Variants in CSMD3 observed in about 807,000 individuals in gnomAD.
CSMD3 encodes the protein CUB and Sushi multiple domains 3.
A neutral mutation model predicts 435.2 loss-of-function variants in CSMD3; 177 were observed. The ratio of observed to expected loss-of-function variants is 0.41; its 90% CI spans 0.36 to 0.46. The LOEUF (loss-of-function observed/expected upper bound fraction) is 0.46, where lower values mean the gene tolerates loss of function less well. CSMD3 is among the 20% of genes least tolerant of loss of function. The pLI, the probability that CSMD3 is intolerant of heterozygous loss-of-function variation, is 0.34. For synonymous variants in CSMD3, 1,656 were observed against 1,520.5 expected (o/e 1.09, Z -2.07); for missense variants, 4,265 against 4,504.6 (o/e 0.95, Z 1.52).
chr8:112,475,673 G>T (rs1818973921), intron 31 of CSMD3, among the ~76,000 whole-genome samples: 1 of 152,010 alleles, frequency 6.6e-6, no homozygotes, highest in African/African-American at 2.4e-5. Flanking sequence ...ACTTTTGCAC[G>T]AACCTAATAT....
chr8:113,280,804 T>A (rs1322780845), intron 2 of CSMD3, among the ~76,000 whole-genome samples: 1 of 151,938 alleles, frequency 6.6e-6, no homozygotes, highest in Non-Finnish European at 1.5e-5. Context: ...GCTATGAACT[T>A]TCCTCTTAGC....
intron 48 of CSMD3, 129 bp from the exon 49 acceptor site, chr8:112,314,181 T>G (rs2130833858): frequency 1.3e-6 from 1 of 760,100 alleles, no homozygotes; most frequent in Admixed American, 2.5e-5. Context: ...TCATTAACAA[T>G]AATTGAAAAC....
rs781779613 is a variant in CSMD3, at chr8:112,319,923, C to T, written c.7224G>A (p.Thr2408=). The T allele has an allele frequency of 3.4e-5, 55 of 1,611,542 alleles. 1 individual carries two copies. Among genetic ancestry groups the T allele is most frequent in the South Asian group, 2.5e-4 (23 of 91,020 alleles). The change falls in exon 46 of 71, where the codon ACG becomes ACA. Residue 2408 remains threonine, a synonymous_variant. Coordinates refer to ENST00000297405, the MANE Select transcript of CSMD3 (RefSeq NM_198123.2). ...PPPVPNAEIL[T]EDDEFEIGDI... is the part of the protein sequence containing the mutation. ...TACCTATTTCAAATTCATCATCTTC[C>T]GTCAAAATTTCAGCATTGGGCACAG...
At chr8:113,306,260 A>T (rs559252774) in intron 2 of CSMD3, among the ~76,000 whole-genome samples, 1 of 152,184 alleles carries the variant, frequency 6.6e-6, no homozygotes, top group African/African-American at 2.4e-5. Flanking sequence ...CGTTTCCCAG[A>T]TGTTTTATTA....
intron 3 of CSMD3, among the ~76,000 whole-genome samples, chr8:113,192,343 T>C (rs1192563875): frequency 6.6e-6 from 1 of 151,634 alleles, no homozygotes. Context: ...AATGAAGGCA[T>C]TATTTTCCTA....
chr8:113,018,941 G>T, intron 6 of CSMD3, 126 bp downstream of exon 6: 1 of 722,228 alleles, frequency 1.4e-6, no homozygotes. Flanking sequence ...GCAACAGCAT[G>T]ACCATTTTTT....
At chr8:112,878,167 A>T (rs1346775075) in intron 10 of CSMD3, among the ~76,000 whole-genome samples, 1 of 152,322 alleles carries the variant, frequency 6.6e-6, no homozygotes, top group Admixed American at 6.5e-5. Context: ...CAATGTATCC[A>T]TCTGACAAAG....
At chr8:112,972,573 T>TA (rs1005364319) in intron 7 of CSMD3, among the ~76,000 whole-genome samples, 19 of 151,776 alleles carry the variant, frequency 1.3e-4, no homozygotes, top group African/African-American at 2.9e-4. Flanking sequence ...TGCCTTTATT[T>TA]AAAAAAAACT....
intron 22 of CSMD3, among the ~76,000 whole-genome samples, chr8:112,590,656 C>T (rs1287372852): frequency 6.6e-6 from 1 of 151,948 alleles, no homozygotes; most frequent in African/African-American, 2.4e-5. Flanking sequence ...ATACTTTTGT[C>T]TTTAAGGCTT....
chr8:113,078,211 A>G (rs1018674791), intron 5 of CSMD3, among the ~76,000 whole-genome samples: 3 of 152,214 alleles, frequency 2.0e-5, no homozygotes, highest in African/African-American at 7.2e-5. Context: ...CTGAAATTGT[A>G]CATTGTGTCA....
chr8:112,614,724 T>G (rs1442254682), intron 22 of CSMD3, among the ~76,000 whole-genome samples: 2 of 152,108 alleles, frequency 1.3e-5, no homozygotes, highest in Non-Finnish European at 2.9e-5. Context: ...TATACAAAGT[T>G]AGATATTGAA....
intron 10 of CSMD3, among the ~76,000 whole-genome samples, chr8:112,893,881 A>C (rs988027675): frequency 2.0e-5 from 3 of 151,464 alleles, no homozygotes; most frequent in African/African-American, 7.3e-5. Flanking sequence ...ATACTCTTCC[A>C]ATGGATATGA....
chr8:112,908,663 A>G (rs796132658), intron 10 of CSMD3, among the ~76,000 whole-genome samples: 20 of 151,664 alleles, frequency 1.3e-4, no homozygotes, highest in African/African-American at 4.6e-4. Context: ...AACAGGGTAA[A>G]CTTTTTGAAA....
chr8:112,606,683 C>G (rs571993302), intron 22 of CSMD3, among the ~76,000 whole-genome samples: 3 of 152,118 alleles, frequency 2.0e-5, no homozygotes, highest in African/African-American at 7.2e-5. Flanking sequence ...GAAGTTATAC[C>G]AAGGACCTTT....
intron 13 of CSMD3, among the ~76,000 whole-genome samples, chr8:112,753,050 T>G (rs1169631862): frequency 1.3e-5 from 2 of 151,956 alleles, no homozygotes; most frequent in Admixed American, 1.3e-4. Context: ...CTCAGCCCCC[T>G]TAGTAGCTGG....
chr8:112,728,746 T>G (rs2077017026), intron 13 of CSMD3, among the ~76,000 whole-genome samples: 1 of 152,084 alleles, frequency 6.6e-6, no homozygotes, highest in Non-Finnish European at 1.5e-5. Flanking sequence ...ACGTGCACAT[T>G]AATAAATTTG....
chr8:112,498,721 CTTCT>C (rs904511572), intron 30 of CSMD3, among the ~76,000 whole-genome samples: 2 of 151,950 alleles, frequency 1.3e-5, no homozygotes, highest in Non-Finnish European at 2.9e-5. Flanking sequence ...TTCTTTCTTT[CTTCT>C]TTCTTTCTTT....
chr8:112,692,134 C>A (rs1187282036), intron 13 of CSMD3, among the ~76,000 whole-genome samples: 1 of 151,852 alleles, frequency 6.6e-6, no homozygotes, highest in Non-Finnish European at 1.5e-5. Flanking sequence ...ATTTAAACAT[C>A]TTTTCTTTTT....
chr8:113,013,401 C>T lies in CSMD3; in HGVS notation c.1030+5666G>A, dbSNP rs377393294. Among the ~76,000 whole-genome samples the T allele has an allele frequency of 5.9e-4, 89 of 152,126 alleles. 4 individuals are homozygous for T. In the South Asian group the frequency reaches 0.018, roughly 30 times the overall value. On this transcript the variant is annotated intron_variant, in intron 6 of 70. Coordinates refer to ENST00000297405, the MANE Select transcript of CSMD3 (RefSeq NM_198123.2). ...TCATCTGTTCCATATGTTATTATCT[C>T]TTTCCAGTGAAGACTCTTTATTTAC... is the stretch of plus-strand genomic sequence containing the variant.
Sources: gnomAD v4.1 joint callset for allele counts (sites outside exome capture counted in the v4.1 genomes callset) on GRCh38, gnomAD v4.1.1 for gene constraint, MANE v1.5 for transcripts, NCBI Gene and HGNC (gene_info 2026-07-23, HGNC 2026-07-21) for gene names.